ERCC6L2: variants seen among roughly 807,000 people sequenced by gnomAD.
ERCC6L2 encodes ERCC excision repair 6 like 2.
Under a neutral mutation model 132.0 loss-of-function variants are expected in ERCC6L2, and 77 were observed. The observed-to-expected ratio is 0.58, with a 90% CI of 0.49 to 0.71. The LOEUF (loss-of-function observed/expected upper bound fraction) is 0.71, where lower values mean the gene tolerates loss of function less well. Among genes scored for constraint, ERCC6L2 ranks in the 30% least tolerant of loss-of-function variants. The pLI, the probability that ERCC6L2 is intolerant of heterozygous loss-of-function variation, is 0.00. For missense variants in ERCC6L2, 1,542 were observed against 1,837.6 expected (o/e 0.84, Z 2.94); for synonymous variants, 583 against 632.4 (o/e 0.92, Z 1.17).
chr9:95,946,933 G>A (rs1248792280), intron 12 of ERCC6L2, among the ~76,000 whole-genome samples: 1 of 152,132 alleles, frequency 6.6e-6, no homozygotes, highest in Non-Finnish European at 1.5e-5. Flanking sequence ...TGTGTGTTCT[G>A]ACTGCTCTGC....
chr9:95,950,737 A>G (rs976560536), intron 12 of ERCC6L2, among the ~76,000 whole-genome samples: 2 of 152,228 alleles, frequency 1.3e-5, no homozygotes, highest in African/African-American at 4.8e-5. Context: ...AACTGTTAGA[A>G]GAAAGACATT....
chr9:95,912,389 G>GTGTATGTA (rs1829382704), intron 4 of ERCC6L2, among the ~76,000 whole-genome samples: 1 of 152,078 alleles, frequency 6.6e-6, no homozygotes. Flanking sequence ...GTGTGTGTGT[G>GTGTATGTA]TGTATGTATG....
rs1829827595 is a variant in ERCC6L2 at position 95,920,812 on chromosome 9, T to A, written c.1159-363T>A. Among the ~76,000 whole-genome samples the A allele has an allele frequency of 2.0e-5, 3 of 152,266 alleles. No homozygotes were observed. The South Asian group carries it at 6.2e-4, about 32-fold the overall frequency. ...TTTTTTTTGAGACAGAGTCTCGCTCTGTCGCCCAGGCTGTAGTGCAGTGGC... is the reference window on the plus strand; with the variant it reads ...TTTTTTTTGAGACAGAGTCTCGCTCAGTCGCCCAGGCTGTAGTGCAGTGGC... On this transcript the variant is annotated intron_variant, in intron 6 of 18. Transcript: ENST00000653738.
chr9:95,906,982 A>T, intron 3 of ERCC6L2, 96 bp from the exon 4 acceptor site: 2 of 791,000 alleles, frequency 2.5e-6, no homozygotes, highest in Non-Finnish European at 4.1e-6. Context: ...TGTCAAAATT[A>T]AGGAAGAGGA....
chr9:95,894,270 T>C lies in ERCC6L2; in HGVS notation c.472-3579T>C, dbSNP rs568505341. Among the ~76,000 whole-genome samples, 4 of 152,340 alleles carry C rather than the reference T, an allele frequency of 2.6e-5. No individual in the cohort carries two copies. The East Asian group carries it at 7.7e-4, about 29-fold the overall frequency. ...TGAATGTGTATTATTTTTATACCAT[T>C]GTAAATTGAAAAATTGCAAGTTGAG... is the stretch of plus-strand genomic sequence containing the variant. On this transcript the variant is annotated intron_variant, in intron 2 of 18. Transcript: ENST00000653738.
Position 95,928,757 on chromosome 9 carries a change from G to A in ERCC6L2, c.1644G>A (p.Gly548=), listed in dbSNP as rs140913718. The change falls in exon 11 of 19, where the codon GGG becomes GGA. Residue 548 remains glycine (G), a synonymous_variant. Coordinates refer to ENST00000653738, the MANE Select transcript of ERCC6L2 (RefSeq NM_020207.7). ...DVLQQYCMAS[G]LDYRRLDGST... ...TACAGCAGTACTGTATGGCGTCTGGGCTTGATTACCGACGACTTGATGGAA... is the reference window on the plus strand; with the variant it reads ...TACAGCAGTACTGTATGGCGTCTGGACTTGATTACCGACGACTTGATGGAA... The A allele has an allele frequency of 1.1e-5, 18 of 1,613,150 alleles. No homozygotes were observed. The highest frequency in any genetic ancestry group is 1.5e-5 in the Non-Finnish European group (18 of 1,179,612).
At chr9:95,901,937 C>G (rs892736421) in intron 3 of ERCC6L2, among the ~76,000 whole-genome samples, 2 of 152,078 alleles carry the variant, frequency 1.3e-5, no homozygotes, top group Non-Finnish European at 2.9e-5. Context: ...TTTAAAAAGA[C>G]AGTTTATGAA....
chr9:95,949,155 G>A (rs1313725380), intron 12 of ERCC6L2, among the ~76,000 whole-genome samples: 2 of 152,242 alleles, frequency 1.3e-5, no homozygotes, highest in Non-Finnish European at 2.9e-5. Flanking sequence ...CTGCAAACTT[G>A]AAGATAGGTT....
chr9:95,955,845 C>A, intron 12 of ERCC6L2, 69 bp from the exon 13 acceptor site: 1 of 752,586 alleles, frequency 1.3e-6, no homozygotes, highest in South Asian at 2.1e-5. Context: ...ATTTTTATGT[C>A]CCCAAGTTAC....
chr9:96,038,236 C>T (rs1044631386), intron 19 of ERCC6L2, among the ~76,000 whole-genome samples: 1 of 151,820 alleles, frequency 6.6e-6, no homozygotes, highest in African/African-American at 2.4e-5. Flanking sequence ...GCAGGGGAGG[C>T]AGGAAGGCAG....
intron 3 of ERCC6L2, 71 bp downstream of exon 3, chr9:95,898,042 T>C: frequency 7.6e-7 from 1 of 1,324,118 alleles, no homozygotes; most frequent in Non-Finnish European, 1.0e-6. Flanking sequence ...AATATTTAAA[T>C]ATCACACATT....
chr9:96,022,637 C>G (rs905236634), downstream of ERCC6L2, among the ~76,000 whole-genome samples: 1 of 152,096 alleles, frequency 6.6e-6, no homozygotes, highest in Admixed American at 6.5e-5. Flanking sequence ...CAGCCGGGTC[C>G]GGGCCAGACG....
chr9:95,928,717 A>C lies in ERCC6L2; in HGVS notation c.1606-2A>C. On this transcript the variant is annotated splice_acceptor_variant, in intron 10 of 18. Transcript: ENST00000653738. LOFTEE classifies it high-confidence loss of function. ...TTGCCCATCTTCATACCTCTCGTCT[A>C]GTTGCTTGACGTGCTACAGCAGTAC... 1 of 1,596,230 alleles carries C rather than the reference A, an allele frequency of 6.3e-7. No individual in the cohort carries two copies. Among genetic ancestry groups the C allele is most frequent in the South Asian group, 1.1e-5 (1 of 87,196 alleles).
At chr9:95,906,543 G>C (rs1205670804) in intron 3 of ERCC6L2, 1 of 424,514 alleles carries the variant, frequency 2.4e-6, no homozygotes, top group Non-Finnish European at 4.7e-6. Flanking sequence ...GATACTGAGA[G>C]AAGTTCATCC....
intron 12 of ERCC6L2, among the ~76,000 whole-genome samples, chr9:95,941,849 T>C (rs1013133949): frequency 6.6e-6 from 1 of 152,122 alleles, no homozygotes; most frequent in African/African-American, 2.4e-5. Flanking sequence ...TTTGAGAAAC[T>C]CCTGGAAGAT....
chr9:96,026,910 AACACACCACACGCACACACCCCAC>A (rs1834380173), intron 19 of ERCC6L2, among the ~76,000 whole-genome samples: 1 of 110,746 alleles, frequency 9.0e-6, no homozygotes, highest in African/African-American at 3.6e-5. Flanking sequence ...CACTACACCA[AACACACCACACGCACACACCCCAC>A]ACATACAACA....
chr9:95,898,683 T>G (rs1828594693), intron 3 of ERCC6L2, among the ~76,000 whole-genome samples: 1 of 152,156 alleles, frequency 6.6e-6, no homozygotes. Context: ...CAGATAAGAA[T>G]AAAAATGAAG....
intron 4 of ERCC6L2, among the ~76,000 whole-genome samples, chr9:95,913,280 A>G (rs1829426109): frequency 6.6e-6 from 1 of 152,180 alleles, no homozygotes; most frequent in African/African-American, 2.4e-5. Context: ...ATTCTCCTGT[A>G]AAGGAAAGCT....
intron 2 of ERCC6L2, among the ~76,000 whole-genome samples, chr9:95,890,976 G>C (rs999053784): frequency 6.6e-6 from 1 of 152,188 alleles, no homozygotes; most frequent in Non-Finnish European, 1.5e-5. Flanking sequence ...ACTTTGGGAG[G>C]CTAAGGTGGG....
Sources: allele counts gnomAD v4.1 joint callset (sites outside exome capture counted in the v4.1 genomes callset), GRCh38; gene constraint gnomAD v4.1.1; transcripts MANE v1.5; gene names NCBI Gene and HGNC (gene_info 2026-07-23, HGNC 2026-07-21).